C1orf146: variants seen among roughly 807,000 people sequenced by gnomAD.
C1orf146 encodes protein SPO16 homolog.
In C1orf146, 22 loss-of-function variants were observed where a neutral mutation model predicts 23.0. That is an observed-to-expected ratio of 0.96 (90% CI 0.68 to 1.36). The LOEUF (loss-of-function observed/expected upper bound fraction) is 1.36, where lower values mean the gene tolerates loss of function less well. Ranked by LOEUF, C1orf146 falls within the 40% of genes most tolerant of loss-of-function variation. The pLI is 0.00. For missense variants in C1orf146, 199 were observed against 206.8 expected (o/e 0.96, Z 0.23); for synonymous variants, 59 against 65.3 (o/e 0.90, Z 0.47).
chr1:92,239,831 T>C (rs951607478), intron 2 of C1orf146, among the ~76,000 whole-genome samples: 5 of 152,204 alleles, frequency 3.3e-5, no homozygotes, highest in African/African-American at 1.2e-4. Flanking sequence ...GTCATACTTA[T>C]ATTGAAAATT....
At chr1:92,219,540 A>G (rs1281018789) in intron 1 of C1orf146, among the ~76,000 whole-genome samples, 1 of 113,714 alleles carries the variant, frequency 8.8e-6, no homozygotes, top group Non-Finnish European at 1.6e-5. Context: ...GTCTCGCTCT[A>G]TCACCCACGC....
At chr1:92,231,124 C>T (rs927724829) in intron 1 of C1orf146, among the ~76,000 whole-genome samples, 1 of 152,160 alleles carries the variant, frequency 6.6e-6, no homozygotes, top group East Asian at 1.9e-4. Context: ...AACCTCAGAC[C>T]TTGCGTGTTC....
intron 1 of C1orf146, among the ~76,000 whole-genome samples, chr1:92,222,535 GTTTTTTTT>G: frequency 5.0e-5 from 3 of 60,570 alleles, no homozygotes; most frequent in African/African-American, 2.1e-4. Flanking sequence ...CCCTTCTTCG[GTTTTTTTT>G]TTTTTTTTTT....
Position 92,218,554 on chromosome 1 carries a change from T to G in C1orf146, c.-40+506T>G, listed in dbSNP as rs373118530. 6.0e-4 allele frequency among the ~76,000 whole-genome samples: 91 copies of G among 152,260 alleles called. 3 individuals are homozygous for G. In the South Asian group the frequency reaches 0.019, roughly 31 times the overall value. The stretch of plus-strand genomic sequence containing the variant: ...GGCCACTGGGCCCACGCTTTTTGTT[T>G]TTATTTTTAATTTAACTTTTATGTT... On this transcript the variant is annotated intron_variant, in intron 1 of 5. Coordinates refer to ENST00000370375, the MANE Select transcript of C1orf146 (RefSeq NM_001012425.2).
At chr1:92,231,859 G>A (rs1652130424) in intron 2 of C1orf146, among the ~76,000 whole-genome samples, 1 of 152,116 alleles carries the variant, frequency 6.6e-6, no homozygotes, top group Non-Finnish European at 1.5e-5. Flanking sequence ...ACTGGAATGA[G>A]ACTGTCTCCT....
intron 1 of C1orf146, among the ~76,000 whole-genome samples, chr1:92,218,714 TC>T (rs1396132295): frequency 6.6e-6 from 1 of 151,760 alleles, no homozygotes; most frequent in Non-Finnish European, 1.5e-5. Context: ...CCCGGTCCCG[TC>T]CCCCGCGCCT....
chr1:92,224,267 C>G (rs1238195069), intron 1 of C1orf146, among the ~76,000 whole-genome samples: 1 of 151,926 alleles, frequency 6.6e-6, no homozygotes, highest in African/African-American at 2.4e-5. Flanking sequence ...CCAGGATGGT[C>G]TTGATCTCCT....
intron 3 of C1orf146, among the ~76,000 whole-genome samples, chr1:92,242,556 G>A (rs1419366249): frequency 6.6e-6 from 1 of 152,106 alleles, no homozygotes; most frequent in African/African-American, 2.4e-5. Context: ...TTGGAACTGA[G>A]ATGAAAATAG....
At chr1:92,224,060 ATTTATTTT>A (rs1167407333) in intron 1 of C1orf146, among the ~76,000 whole-genome samples, 4 of 103,918 alleles carry the variant, frequency 3.8e-5, no homozygotes, top group African/African-American at 1.4e-4. Context: ...TTATTTATTT[ATTTATTTT>A]GAGACGGAGT....
At chr1:92,239,514 G>A (rs1306046051) in intron 2 of C1orf146, among the ~76,000 whole-genome samples, 1 of 152,114 alleles carries the variant, frequency 6.6e-6, no homozygotes, top group African/African-American at 2.4e-5. Context: ...ACTTTGGGAG[G>A]CCAAGGTGGG....
chr1:92,220,189 G>A (rs1238909196), intron 1 of C1orf146, among the ~76,000 whole-genome samples: 1 of 152,156 alleles, frequency 6.6e-6, no homozygotes, highest in Non-Finnish European at 1.5e-5. Context: ...AGGAGCCCTG[G>A]TTCCTTTTTT....
chr1:92,221,427 A>G (rs1244880619), intron 1 of C1orf146, among the ~76,000 whole-genome samples: 1 of 152,178 alleles, frequency 6.6e-6, no homozygotes, highest in Non-Finnish European at 1.5e-5. Flanking sequence ...CACAAACCTC[A>G]ACATCACACA....
chr1:92,231,503 G>T lies in C1orf146; in HGVS notation c.66+17G>T. 3 of 1,563,830 alleles carry T rather than the reference G, an allele frequency of 1.9e-6. No homozygotes were observed. The highest frequency in any genetic ancestry group is 2.6e-6 in the Non-Finnish European group (3 of 1,150,196). ...TCTCTTAAGGTAAAGGGGCATTTGGGCCACTGATCTTTAACTTAAAAAAAT... is the reference window on the plus strand; with the variant it reads ...TCTCTTAAGGTAAAGGGGCATTTGGTCCACTGATCTTTAACTTAAAAAAAT... On this transcript the variant is annotated intron_variant, in intron 2 of 5. Coordinates refer to ENST00000370375, the MANE Select transcript of C1orf146 (RefSeq NM_001012425.2).
chr1:92,238,087 G>A (rs1207691825), intron 2 of C1orf146, among the ~76,000 whole-genome samples: 1 of 151,860 alleles, frequency 6.6e-6, no homozygotes, highest in Admixed American at 6.6e-5. Flanking sequence ...CTGCCACCAC[G>A]CCGGCTAATT....
At chr1:92,231,926 C>T (rs1456753737) in intron 2 of C1orf146, among the ~76,000 whole-genome samples, 1 of 152,080 alleles carries the variant, frequency 6.6e-6, no homozygotes, top group Non-Finnish European at 1.5e-5. Flanking sequence ...GTGGTCAGCT[C>T]ACAACCGTTT....
At chr1:92,233,925 G>T (rs1309031192) in intron 2 of C1orf146, among the ~76,000 whole-genome samples, 1 of 152,186 alleles carries the variant, frequency 6.6e-6, no homozygotes, top group Non-Finnish European at 1.5e-5. Flanking sequence ...TGTTATTGGT[G>T]TGTAAGAATG....
At chr1:92,236,962 G>A (rs568022173) in intron 2 of C1orf146, among the ~76,000 whole-genome samples, 1 of 152,250 alleles carries the variant, frequency 6.6e-6, no homozygotes, top group South Asian at 2.1e-4. Flanking sequence ...AGCTCCATCA[G>A]CTCCTTTAAG....
At chr1:92,231,991 A>T (rs1652133928) in intron 2 of C1orf146, among the ~76,000 whole-genome samples, 1 of 152,138 alleles carries the variant, frequency 6.6e-6, no homozygotes, top group Admixed American at 6.5e-5. Context: ...TCTTACGGAC[A>T]CCAGCTGATG....
intron 1 of C1orf146, among the ~76,000 whole-genome samples, chr1:92,224,764 T>C (rs58274560): frequency 0.037 from 5,680 of 152,298 alleles, 273 homozygotes; most frequent in African/African-American, 0.11. Context: ...GTTCTTCTTT[T>C]TTTTCGTTTG....
Sources: allele counts gnomAD v4.1 joint callset (sites outside exome capture counted in the v4.1 genomes callset), GRCh38; gene constraint gnomAD v4.1.1; transcripts MANE v1.5; gene names NCBI Gene and HGNC (gene_info 2026-07-23, HGNC 2026-07-21).